The following PLB1 variants were observed in gnomAD, a reference collection of about 807,000 sequenced individuals.
The protein encoded by PLB1 is phospholipase B1.
Under a neutral mutation model 227.4 loss-of-function variants are expected in PLB1, and 242 were observed. The observed-to-expected ratio is 1.06, with a 90% CI of 0.96 to 1.18. The LOEUF is 1.18. Among genes scored for constraint, PLB1 ranks in the 50% most tolerant of loss-of-function variants. PLB1 has a pLI of 0.00. For missense variants in PLB1, 1,858 were observed against 1,816.3 expected, an observed-to-expected ratio of 1.02 and a Z score of -0.42; for synonymous variants, 757 against 682.2, an observed-to-expected ratio of 1.11 and a Z score of -1.71.
chr2:28,607,417 G>A (rs371416079), intron 43 of PLB1, among the ~76,000 whole-genome samples: 20 of 152,254 alleles, frequency 1.3e-4, no homozygotes, highest in African/African-American at 4.8e-4. Flanking sequence ...TCACATGCCT[G>A]CTCCCTGTCT....
At chr2:28,626,929 G>T (rs191644362) in intron 51 of PLB1, among the ~76,000 whole-genome samples, 4 of 152,292 alleles carry the variant, frequency 2.6e-5, no homozygotes, top group African/African-American at 9.6e-5. Flanking sequence ...AAACCTCAGT[G>T]GTGGCCCTGG....
intron 46 of PLB1, among the ~76,000 whole-genome samples, chr2:28,619,272 C>T (rs567228910): frequency 1.3e-4 from 20 of 152,170 alleles, no homozygotes; most frequent in South Asian, 8.3e-4. Flanking sequence ...GTAGTTATTT[C>T]GGTAGAAACA....
intron 56 of PLB1, among the ~76,000 whole-genome samples, chr2:28,639,728 T>C (rs1044614859): frequency 6.6e-6 from 1 of 152,246 alleles, no homozygotes; most frequent in Non-Finnish European, 1.5e-5. Flanking sequence ...TTAGCATTTA[T>C]TCTGTCACTG....
intron 55 of PLB1, 85 bp from the exon 56 acceptor site, chr2:28,632,858 GC>G: frequency 1.1e-6 from 1 of 932,610 alleles, no homozygotes; most frequent in Non-Finnish European, 1.7e-6. Context: ...AAGGAGACAT[GC>G]CCAGGGCACC....
rs774747965 is a variant in PLB1 at position 28,642,970 on chromosome 2, T to C, written c.4286T>C (p.Val1429Ala). ...AVPVAAGVGL[V>A]VGIIGTVVWR... ...CCAGTGGCAGCGGGAGTCGGCCTTG[T>C]GGTGGGCATCATCGGGACAGTGGTC... The change falls in exon 58 of 58, where the codon GTG (valine) becomes GCG (alanine). Residue 1429 changes from valine (V) to alanine (A), a missense_variant. Transcript: ENST00000327757. 6.2e-7 allele frequency: 1 copy of C among 1,610,410 alleles called. No individual in the cohort carries two copies. The highest frequency in any genetic ancestry group is 8.5e-7 in the Non-Finnish European group (1 of 1,178,634).
At chr2:28,627,055 G>A (rs888904765) in intron 51 of PLB1, among the ~76,000 whole-genome samples, 3 of 152,178 alleles carry the variant, frequency 2.0e-5, no homozygotes, top group Admixed American at 1.3e-4. Context: ...CTAAGTTGGG[G>A]ACATTCTGTA....
chr2:28,503,160 T>A lies in PLB1; in HGVS notation c.55+6991T>A, dbSNP rs1667286728. ...TTTCAAACCAATTTTTTATTTTTATTTTTTATTTTTTGAGAAAGGTCTAAC... is the reference window on the plus strand; with the variant it reads ...TTTCAAACCAATTTTTTATTTTTATATTTTATTTTTTGAGAAAGGTCTAAC... On this transcript the variant is annotated intron_variant, in intron 1 of 57. Coordinates refer to ENST00000327757, the MANE Select transcript of PLB1 (RefSeq NM_153021.5). Among the ~76,000 whole-genome samples the A allele has an allele frequency of 2.0e-5, 3 of 152,168 alleles. No homozygotes were observed. The South Asian group carries it at 6.2e-4, about 31-fold the overall frequency.
At chr2:28,600,426 GAA>G (rs1558882335) in intron 35 of PLB1, among the ~76,000 whole-genome samples, 1 of 152,220 alleles carries the variant, frequency 6.6e-6, no homozygotes, top group African/African-American at 2.4e-5. Context: ...CAGCCAGAGT[GAA>G]AAGAGGAAGC....
At chr2:28,577,953 G>A (rs1679263612) in intron 21 of PLB1, among the ~76,000 whole-genome samples, 154 bp from the exon 22 acceptor site, 1 of 152,238 alleles carries the variant, frequency 6.6e-6, no homozygotes, top group African/African-American at 2.4e-5. Flanking sequence ...AGCCTGAATG[G>A]GGAAGAAGCT....
intron 19 of PLB1, among the ~76,000 whole-genome samples, chr2:28,565,635 T>C (rs954954346): frequency 6.6e-6 from 1 of 152,176 alleles, no homozygotes; most frequent in African/African-American, 2.4e-5. Context: ...CCCTCTGTGA[T>C]ATAATCTCAG....
At chr2:28,591,569 C>T (rs1205855548) in intron 30 of PLB1, 131 bp from the exon 31 acceptor site, 2 of 891,858 alleles carry the variant, frequency 2.2e-6, no homozygotes, top group African/African-American at 3.4e-5. Flanking sequence ...CTTCAAAGGC[C>T]CTTTTGAGGC....
At chr2:28,594,846 C>T (rs1386498039) in intron 33 of PLB1, 1 of 152,128 alleles carries the variant, frequency 6.6e-6, no homozygotes, top group Non-Finnish European at 1.5e-5. Context: ...CACTGACTCA[C>T]CATTCTGCTC....
intron 1 of PLB1, among the ~76,000 whole-genome samples, chr2:28,497,207 A>C (rs533126400): frequency 1.3e-5 from 2 of 152,258 alleles, no homozygotes; most frequent in Non-Finnish European, 2.9e-5. Flanking sequence ...AGCTCTTTGG[A>C]GGTTACATAT....
At chr2:28,605,188 C>T (rs1040579377) in intron 41 of PLB1, among the ~76,000 whole-genome samples, 35 of 152,298 alleles carry the variant, frequency 2.3e-4, no homozygotes, top group Non-Finnish European at 4.0e-4. Flanking sequence ...TGCAACGCTG[C>T]GGTTATAAGG....
chr2:28,539,234 G>A, intron 11 of PLB1, 56 bp downstream of exon 11: 1 of 1,452,778 alleles, frequency 6.9e-7, no homozygotes, highest in Non-Finnish European at 9.7e-7. Context: ...CACGTGTGCG[G>A]CCTGTGGGGG....
At chr2:28,502,158 T>C (rs565291625) in intron 1 of PLB1, among the ~76,000 whole-genome samples, 124 of 152,310 alleles carry the variant, frequency 8.1e-4, no homozygotes, top group Non-Finnish European at 1.5e-3. Context: ...CAACAAAGCA[T>C]GCAGTCAAGA....
intron 23 of PLB1, 92 bp downstream of exon 23, chr2:28,579,799 G>T: frequency 9.2e-7 from 1 of 1,085,754 alleles, no homozygotes; most frequent in Non-Finnish European, 1.4e-6. Flanking sequence ...GTACAGCTAA[G>T]TTGGGACTCA....
In PLB1 at chr2:28,563,543, A is replaced by C. The variant is rs1676377739; in HGVS notation, c.1206+444A>C. Reference sequence around the variant, plus strand: ...CAGGAAGAGAGGTGAAGAGATGATGAGACAGGGCAAGTGCTAATGGGGGCA... The same window carrying C: ...CAGGAAGAGAGGTGAAGAGATGATGCGACAGGGCAAGTGCTAATGGGGGCA... On this transcript the variant is annotated intron_variant, in intron 18 of 57. Transcript: ENST00000327757. Among the ~76,000 whole-genome samples the C allele has an allele frequency of 2.1e-5, 3 of 141,324 alleles. No homozygotes were observed. In the South Asian group the frequency reaches 7.4e-4, roughly 35 times the overall value. The allele number at this position is 141,324 out of a possible 152,430, so 92.7% of individuals were successfully genotyped here. A position where few individuals can be genotyped will look rare whatever the true frequency, so the allele number is the denominator to read the frequency against.
chr2:28,593,186 C>A lies in PLB1; in HGVS notation c.2247+467C>A, dbSNP rs560720578. ...ATGGGGCTATTTTACTATCCCAGAT[C>A]ATCACTTTCCAGGAGCATGTGCAAG... On this transcript the variant is annotated intron_variant, in intron 32 of 57. Transcript: ENST00000327757. 3.9e-5 allele frequency among the ~76,000 whole-genome samples: 6 copies of A among 152,254 alleles called. No homozygotes were observed. The East Asian group carries it at 1.2e-3, about 29-fold the overall frequency.
Sources: gnomAD v4.1 joint callset for allele counts (sites outside exome capture counted in the v4.1 genomes callset) on GRCh38, gnomAD v4.1.1 for gene constraint, MANE v1.5 for transcripts, NCBI Gene and HGNC (gene_info 2026-07-23, HGNC 2026-07-21) for gene names.